MAGI2: variants seen among roughly 807,000 people sequenced by gnomAD.
MAGI2 encodes membrane associated guanylate kinase, WW and PDZ domain containing 2.
In MAGI2, 35 loss-of-function variants were observed where a neutral mutation model predicts 133.3. That is an observed-to-expected ratio of 0.26 (90% CI 0.20 to 0.35). The LOEUF is 0.35. MAGI2 is among the 10% of genes least tolerant of loss of function. The probability of loss-of-function intolerance (pLI) is 1.00; values close to 1 mark genes in which losing one functional copy is unlikely to be tolerated. For missense variants in MAGI2, 1,636 were observed against 1,863.4 expected, an observed-to-expected ratio of 0.88 and a Z score of 2.25; for synonymous variants, 729 against 710.6, an observed-to-expected ratio of 1.03 and a Z score of -0.41.
intron 1 of MAGI2, among the ~76,000 whole-genome samples, chr7:79,426,747 A>C (rs963532537): frequency 2.0e-5 from 3 of 152,148 alleles, no homozygotes; most frequent in Non-Finnish European, 4.4e-5. Context: ...GCTCTTTGCA[A>C]AGAAATTACT....
intron 1 of MAGI2, among the ~76,000 whole-genome samples, chr7:79,160,033 A>C (rs1824203593): frequency 6.6e-6 from 1 of 151,984 alleles, no homozygotes; most frequent in Admixed American, 6.6e-5. Context: ...AATTCACATG[A>C]CCTTGGTAAT....
rs145668086 is a variant in MAGI2 at position 78,151,671 on chromosome 7, C to A, written c.2845+8354G>T. On this transcript the variant is annotated intron_variant, in intron 16 of 21. Coordinates refer to ENST00000354212, the MANE Select transcript of MAGI2 (RefSeq NM_012301.4). ...CCAGGCTGAGAACAACTGATGGCAA[C>A]TCTGTATTCTGGGACATTGCTCCGG... Among the ~76,000 whole-genome samples, 686 of 152,290 alleles carry A rather than the reference C, an allele frequency of 4.5e-3. 2 individuals carry two copies. Among genetic ancestry groups the A allele is most frequent in the African/African-American group, 0.015 (640 of 41,564 alleles).
intron 20 of MAGI2, among the ~76,000 whole-genome samples, chr7:78,090,537 T>C (rs572028478): frequency 2.8e-4 from 42 of 152,334 alleles, no homozygotes; most frequent in Non-Finnish European, 5.1e-4. Flanking sequence ...GTTTTCCTAC[T>C]GTCAACTGAG....
At chr7:78,658,724 A>G (rs1812579342) in intron 2 of MAGI2, among the ~76,000 whole-genome samples, 1 of 152,352 alleles carries the variant, frequency 6.6e-6, no homozygotes, top group Middle Eastern at 3.4e-3. Context: ...GTTCAACATC[A>G]TTAGCCATTA....
intron 1 of MAGI2, among the ~76,000 whole-genome samples, chr7:79,338,804 C>T (rs1246513638): frequency 6.6e-6 from 1 of 152,078 alleles, no homozygotes; most frequent in African/African-American, 2.4e-5. Context: ...GGGAGAGCCT[C>T]GTAGCCACAC....
At chr7:78,464,401 T>TA (rs1210682167) in intron 6 of MAGI2, among the ~76,000 whole-genome samples, 1 of 152,176 alleles carries the variant, frequency 6.6e-6, no homozygotes, top group Non-Finnish European at 1.5e-5. Context: ...GATGACTTCT[T>TA]ACTTTTGGAA....
intron 4 of MAGI2, among the ~76,000 whole-genome samples, chr7:78,506,735 A>C (rs188240352): frequency 3.9e-5 from 6 of 152,336 alleles, no homozygotes; most frequent in Admixed American, 3.3e-4. Flanking sequence ...ACTGGCTGCC[A>C]GTTACGGCAG....
At chr7:78,534,809 A>G (rs906202839) in intron 3 of MAGI2, among the ~76,000 whole-genome samples, 1 of 152,070 alleles carries the variant, frequency 6.6e-6, no homozygotes, top group Non-Finnish European at 1.5e-5. Context: ...AGGCTCCTCC[A>G]TAGCACTGAT....
intron 2 of MAGI2, among the ~76,000 whole-genome samples, chr7:78,963,319 AC>A (rs1803018744): frequency 1.3e-5 from 2 of 152,122 alleles, no homozygotes; most frequent in Non-Finnish European, 2.9e-5. Flanking sequence ...TAGGGAAAGC[AC>A]TTTATCTGGC....
intron 1 of MAGI2, among the ~76,000 whole-genome samples, chr7:79,130,929 ATT>A (rs1820886299): frequency 6.6e-6 from 1 of 152,026 alleles, no homozygotes; most frequent in African/African-American, 2.4e-5. Context: ...TCATTCATTC[ATT>A]CATTTATTCA....
intron 1 of MAGI2, among the ~76,000 whole-genome samples, chr7:79,260,728 A>G (rs1161997889): frequency 1.3e-5 from 2 of 152,192 alleles, no homozygotes; most frequent in Non-Finnish European, 2.9e-5. Context: ...GTAAACAATT[A>G]CCTTCAGGCT....
intron 1 of MAGI2, among the ~76,000 whole-genome samples, chr7:79,082,919 T>C (rs746671499): frequency 7.9e-5 from 12 of 151,902 alleles, no homozygotes; most frequent in South Asian, 2.1e-4. Flanking sequence ...TTTGGTTAAA[T>C]TTACTCAAGT....
At chr7:79,298,385 G>A (rs1000873217) in intron 1 of MAGI2, among the ~76,000 whole-genome samples, 2 of 152,036 alleles carry the variant, frequency 1.3e-5, no homozygotes, top group Non-Finnish European at 2.9e-5. Flanking sequence ...ATTGCTATGA[G>A]AGTTCCTAAC....
chr7:79,142,349 G>C (rs990230810), intron 1 of MAGI2, among the ~76,000 whole-genome samples: 2 of 152,220 alleles, frequency 1.3e-5, no homozygotes, highest in South Asian at 4.2e-4. Context: ...ACCAACACCT[G>C]AGTTTGGTTC....
intron 1 of MAGI2, among the ~76,000 whole-genome samples, chr7:79,292,720 G>T (rs1461908493): frequency 7.8e-6 from 1 of 128,246 alleles, no homozygotes; most frequent in African/African-American, 2.9e-5. Context: ...GCCTATTCTG[G>T]GTCCTTTATC....
In MAGI2 at chr7:78,694,944, G is replaced by A. The variant is rs147244160; in HGVS notation, c.419-67705C>T. ...ACTGGTTTCCTTATAAAGTCTCCTG[G>A]TCCAGGCGTGGTGGCTCACGCCTGT... On this transcript the variant is annotated intron_variant, in intron 2 of 21. Coordinates refer to ENST00000354212, the MANE Select transcript of MAGI2 (RefSeq NM_012301.4). Among the ~76,000 whole-genome samples the A allele has an allele frequency of 2.0e-3, 297 of 152,240 alleles. 1 individual carries two copies. Among genetic ancestry groups the A allele is most frequent in the Admixed American group, 2.9e-3 (45 of 15,296 alleles).
intron 5 of MAGI2, among the ~76,000 whole-genome samples, chr7:78,498,734 G>T (rs1794354633): frequency 6.6e-6 from 1 of 152,090 alleles, no homozygotes; most frequent in Non-Finnish European, 1.5e-5. Flanking sequence ...AAAGACAGAT[G>T]AATCACAAAC....
At chr7:79,253,997 C>G (rs926051793) in intron 1 of MAGI2, among the ~76,000 whole-genome samples, 3 of 151,502 alleles carry the variant, frequency 2.0e-5, no homozygotes, top group African/African-American at 7.3e-5. Context: ...CAAAACAAAA[C>G]AAAACAAAAC....
chr7:79,289,472 A>T (rs1836287770), intron 1 of MAGI2, among the ~76,000 whole-genome samples: 1 of 152,146 alleles, frequency 6.6e-6, no homozygotes. Flanking sequence ...TATTACTGAG[A>T]TCGTAAAATC....
Sources: allele counts gnomAD v4.1 joint callset (sites outside exome capture counted in the v4.1 genomes callset), GRCh38; gene constraint gnomAD v4.1.1; transcripts MANE v1.5; gene names NCBI Gene and HGNC (gene_info 2026-07-23, HGNC 2026-07-21).